TENM1: variants seen among roughly 807,000 people sequenced by gnomAD.
TENM1 encodes teneurin-1.
TENM1 carries 35 observed loss-of-function variants against 174.8 expected under a neutral mutation model. The ratio of observed to expected loss-of-function variants is 0.20; its 90% CI spans 0.15 to 0.27. The LOEUF is 0.27. Among genes scored for constraint, TENM1 ranks in the 10% least tolerant of loss-of-function variants. The pLI, the probability that TENM1 is intolerant of heterozygous loss-of-function variation, is 1.00. For missense variants in TENM1, 1,633 were observed against 2,130.1 expected, an observed-to-expected ratio of 0.77 and a Z score of 4.59; for synonymous variants, 781 against 798.7, an observed-to-expected ratio of 0.98 and a Z score of 0.37.
intron 27 of TENM1, among the ~76,000 whole-genome samples, chrX:124,392,896 T>A (rs2060297185): frequency 9.0e-6 from 1 of 111,668 alleles, no homozygotes; most frequent in Non-Finnish European, 1.9e-5. Context: ...TGCCCTCTAG[T>A]TATGGAATCT....
chrX:124,730,343 T>C (rs1004594818), intron 4 of TENM1, among the ~76,000 whole-genome samples: 48 of 112,012 alleles, frequency 4.3e-4, no homozygotes, highest in African/African-American at 1.4e-3. Context: ...TTATTACTAA[T>C]ATTTACGGAG....
the TENM1 span, among the ~76,000 whole-genome samples, chrX:125,139,550 T>C: frequency 9.0e-6 from 1 of 111,163 alleles, no homozygotes; most frequent in African/African-American, 3.3e-5. Flanking sequence ...GAACTTCTTT[T>C]TTACTTTCTT....
chrX:124,599,260 A>G (rs1256570570), intron 11 of TENM1, among the ~76,000 whole-genome samples: 1 of 111,507 alleles, frequency 9.0e-6, no homozygotes, highest in Non-Finnish European at 1.9e-5. Flanking sequence ...TGGCATGTGC[A>G]ACTCTCTGGG....
intron 3 of TENM1, among the ~76,000 whole-genome samples, chrX:124,764,963 T>C (rs2054508516): frequency 9.0e-6 from 1 of 110,844 alleles, no homozygotes; most frequent in African/African-American, 3.3e-5. Flanking sequence ...ATTGTTTGCA[T>C]CCTACTCTTC....
At chrX:125,159,902 C>G in the TENM1 span, among the ~76,000 whole-genome samples, 2 of 111,416 alleles carry the variant, frequency 1.8e-5, no homozygotes, top group Non-Finnish European at 3.8e-5. Flanking sequence ...ACAGTTCAGT[C>G]AAAAAAGAAA....
the TENM1 span, among the ~76,000 whole-genome samples, chrX:125,028,840 G>A: frequency 9.0e-6 from 1 of 111,082 alleles, no homozygotes; most frequent in Non-Finnish European, 1.9e-5. Context: ...GGCATGGGGG[G>A]GACATAAGAA....
the TENM1 span, among the ~76,000 whole-genome samples, chrX:124,980,345 G>A: frequency 3.6e-5 from 4 of 111,046 alleles, no homozygotes; most frequent in Admixed American, 9.6e-5. Flanking sequence ...GCTTTACTTT[G>A]GTATACAGAT....
At chrX:124,724,507 A>T (rs1289669336) in intron 4 of TENM1, among the ~76,000 whole-genome samples, 1 of 112,162 alleles carries the variant, frequency 8.9e-6, no homozygotes, top group Admixed American at 9.5e-5. Context: ...TTCAAAATTC[A>T]TATGTTGGCC....
At chrX:124,952,332 T>TGG (rs1352610614) in intron 1 of TENM1, among the ~76,000 whole-genome samples, 19 of 88,157 alleles carry the variant, frequency 2.2e-4, no homozygotes, top group African/African-American at 7.5e-4. Context: ...TCCTTATGTA[T>TGG]GGGGTGTGTG....
chrX:125,105,663 G>C, the TENM1 span, among the ~76,000 whole-genome samples: 2 of 111,690 alleles, frequency 1.8e-5, no homozygotes, highest in African/African-American at 6.5e-5. Context: ...TCAGATCCCA[G>C]GCAGGGAGAG....
At chrX:125,044,195 T>G in the TENM1 span, among the ~76,000 whole-genome samples, 1 of 61,179 alleles carries the variant, frequency 1.6e-5, no homozygotes, top group African/African-American at 1.1e-4. Flanking sequence ...AAAAAAAAGA[T>G]TAAAAATAAA....
intron 3 of TENM1, among the ~76,000 whole-genome samples, chrX:124,870,895 G>C (rs1247954949): frequency 9.0e-6 from 1 of 111,335 alleles, no homozygotes; most frequent in African/African-American, 3.3e-5. Context: ...GCATGTTTAT[G>C]GGGTAGTGTG....
chrX:124,908,276 A>G (rs1262579878), intron 1 of TENM1, among the ~76,000 whole-genome samples: 1 of 111,228 alleles, frequency 9.0e-6, no homozygotes, highest in Non-Finnish European at 1.9e-5. Flanking sequence ...CCTAGGTTTT[A>G]AGCCCTGCAT....
chrX:124,776,207 C>G (rs991252019), intron 3 of TENM1, among the ~76,000 whole-genome samples: 1 of 111,233 alleles, frequency 9.0e-6, no homozygotes, highest in African/African-American at 3.3e-5. Flanking sequence ...CACTACAGAC[C>G]CTTGCTGAAA....
intron 11 of TENM1, among the ~76,000 whole-genome samples, chrX:124,634,824 T>C (rs1019822587): frequency 6.3e-5 from 7 of 111,685 alleles, no homozygotes; most frequent in African/African-American, 2.3e-4. Context: ...GCAACAACAA[T>C]TATATAAACC....
In TENM1 at chrX:124,884,823, A is replaced by G. The variant is rs111902419; in HGVS notation, c.535+9473T>C. ...ACAACATACAGTCATGCATTTCTTA[A>G]CGACACGGATACAATTTGAGAAATG... On this transcript the variant is annotated intron_variant, in intron 3 of 31. Transcript: ENST00000422452. Among the ~76,000 whole-genome samples, 175 of 111,552 alleles carry G rather than the reference A, an allele frequency of 1.6e-3. 2 individuals are homozygous for G. Among genetic ancestry groups the G allele is most frequent in the African/African-American group, 5.5e-3 (168 of 30,709 alleles).
chrX:124,743,448 CAGAA>C (rs1411157688), intron 3 of TENM1, among the ~76,000 whole-genome samples: 1 of 111,655 alleles, frequency 9.0e-6, no homozygotes, highest in Non-Finnish European at 1.9e-5. Flanking sequence ...CAGACAACAA[CAGAA>C]AGAGTCAGAA....
the TENM1 span, among the ~76,000 whole-genome samples, chrX:125,145,171 T>C: frequency 1.8e-5 from 2 of 111,976 alleles, no homozygotes; most frequent in Admixed American, 9.5e-5. Context: ...ACAGAAAATC[T>C]GGGCCTGATT....
At chrX:124,471,460 CTA>C (rs1491403560) in intron 22 of TENM1, among the ~76,000 whole-genome samples, 2 of 13,822 alleles carry the variant, frequency 1.4e-4, no homozygotes, top group Non-Finnish European at 2.1e-4. Context: ...ATATATAATA[CTA>C]TATATAATAT....
Sources: gnomAD v4.1 joint callset for allele counts (sites outside exome capture counted in the v4.1 genomes callset) on GRCh38, gnomAD v4.1.1 for gene constraint, MANE v1.5 for transcripts, NCBI Gene and HGNC (gene_info 2026-07-23, HGNC 2026-07-21) for gene names.